Variants in NEMP2 observed in about 807,000 individuals in gnomAD.
NEMP2 encodes the protein UPF0571 transmembrane protein.
NEMP2 carries 53 observed loss-of-function variants against 54.2 expected under a neutral mutation model. That is an observed-to-expected ratio of 0.98 (90% CI 0.78 to 1.23). NEMP2 has a LOEUF of 1.23. Among genes scored for constraint, NEMP2 ranks in the 50% most tolerant of loss-of-function variants. The probability of loss-of-function intolerance (pLI) is 0.00; values close to 1 mark genes in which losing one functional copy is unlikely to be tolerated. For synonymous variants in NEMP2, 197 were observed against 190.3 expected, an observed-to-expected ratio of 1.04 and a Z score of -0.29; for missense variants, 455 against 511.3, an observed-to-expected ratio of 0.89 and a Z score of 1.06.
the NEMP2 span, among the ~76,000 whole-genome samples, chr2:190,584,649 G>C: frequency 6.6e-6 from 1 of 152,066 alleles, no homozygotes. The surrounding 1 kb of genome is among the most constrained non-coding windows in gnomAD (Gnocchi z 4.2). Flanking sequence ...CAGGCAGGAG[G>C]ATTACTTGAG....
the NEMP2 span, among the ~76,000 whole-genome samples, chr2:190,434,940 A>G: frequency 6.6e-6 from 1 of 152,160 alleles, no homozygotes; most frequent in Non-Finnish European, 1.5e-5. The surrounding 1 kb of genome is among the most constrained non-coding windows in gnomAD (Gnocchi z 4.3). Context: ...CAGAGGTATT[A>G]GATTTGCATA....
rs1287191792 is a variant in NEMP2 at position 190,506,687 on chromosome 2, A to G, written c.*2502T>C. 6.6e-6 allele frequency: 1 copy of G among 152,236 alleles called. No individual in the cohort carries two copies. The highest frequency in any genetic ancestry group is 1.5e-5 in the Non-Finnish European group (1 of 68,038). 9.4% of individuals were successfully genotyped at this position (152,236 alleles called of 1,614,324 possible). On this transcript the variant is annotated 3_prime_UTR_variant, in exon 9 of 9. Transcript: ENST00000409150. This position sits in a 1 kb window ranked among gnomAD's most constrained non-coding sequence, Gnocchi z 6.3. ...AAATGTGTTTTAAAACCTTTTAAAA[A>G]TAACACTTGAATGATACGATTGTTT...
chr2:190,451,034 G>GT, the NEMP2 span, among the ~76,000 whole-genome samples: 1 of 152,208 alleles, frequency 6.6e-6, no homozygotes, highest in Non-Finnish European at 1.5e-5. This position sits in a 1 kb window ranked among gnomAD's most constrained non-coding sequence, Gnocchi z 5.0. Context: ...AAGAGAGCAA[G>GT]TTGGTCTAGG....
At chr2:190,445,086 G>C in the NEMP2 span, among the ~76,000 whole-genome samples, 2 of 152,120 alleles carry the variant, frequency 1.3e-5, no homozygotes, top group Non-Finnish European at 2.9e-5. Context: ...AACTGGCCTG[G>C]CTTCCATCCT....
the NEMP2 span, among the ~76,000 whole-genome samples, chr2:190,439,335 T>G: frequency 2.0e-5 from 3 of 152,108 alleles, no homozygotes. The surrounding 1 kb of genome is among the most constrained non-coding windows in gnomAD (Gnocchi z 5.8). Flanking sequence ...GAGTATGTGT[T>G]TAGGTTCTAT....
chr2:190,599,635 C>T, the NEMP2 span, among the ~76,000 whole-genome samples: 1 of 151,794 alleles, frequency 6.6e-6, no homozygotes, highest in Non-Finnish European at 1.5e-5. Flanking sequence ...GTGCTGTGCC[C>T]CTAGTCAGGA....
At chr2:190,481,218 G>A in the NEMP2 span, among the ~76,000 whole-genome samples, 1 of 152,166 alleles carries the variant, frequency 6.6e-6, no homozygotes, top group African/African-American at 2.4e-5. Flanking sequence ...TATGCCAAAG[G>A]CATAATGCCA....
At chr2:190,595,767 G>T in the NEMP2 span, among the ~76,000 whole-genome samples, 3 of 152,198 alleles carry the variant, frequency 2.0e-5, no homozygotes, top group African/African-American at 7.2e-5. This position sits in a 1 kb window ranked among gnomAD's most constrained non-coding sequence, Gnocchi z 4.0. Flanking sequence ...TGGAGAGGAT[G>T]TGGAGAAATA....
intron 5 of NEMP2, among the ~76,000 whole-genome samples, chr2:190,516,653 T>A (rs1158140985): frequency 6.6e-6 from 1 of 152,220 alleles, no homozygotes; most frequent in African/African-American, 2.4e-5. Context: ...CTAGCTTGCA[T>A]GTACACTGAA....
the NEMP2 span, among the ~76,000 whole-genome samples, chr2:190,470,241 T>G: frequency 6.6e-6 from 1 of 152,228 alleles, no homozygotes; most frequent in Non-Finnish European, 1.5e-5. Flanking sequence ...AAAAAAAGAT[T>G]GTTGTCATAA....
the NEMP2 span, among the ~76,000 whole-genome samples, chr2:190,448,203 T>G: frequency 6.6e-6 from 1 of 152,340 alleles, no homozygotes; most frequent in Admixed American, 6.5e-5. Flanking sequence ...AGATGGTTCC[T>G]GCAAATTCCA....
the NEMP2 span, among the ~76,000 whole-genome samples, chr2:190,573,448 T>G: frequency 2.0e-5 from 3 of 152,172 alleles, no homozygotes; most frequent in African/African-American, 7.2e-5. Flanking sequence ...TGTGTGTAAT[T>G]TGCTACTCTT....
At chr2:190,503,378 A>C (rs944761770), downstream of NEMP2, among the ~76,000 whole-genome samples, 1 of 152,194 alleles carries the variant, frequency 6.6e-6, no homozygotes, top group Non-Finnish European at 1.5e-5. The surrounding 1 kb of genome is among the most constrained non-coding windows in gnomAD (Gnocchi z 6.3). Context: ...ACCATAAGCC[A>C]TATGTGGCTA....
intron 7 of NEMP2, among the ~76,000 whole-genome samples, chr2:190,511,245 C>T (rs1690353971): frequency 6.6e-6 from 1 of 152,100 alleles, no homozygotes; most frequent in Non-Finnish European, 1.5e-5. Flanking sequence ...TGCAGACCCT[C>T]TAGAACACTG....
In NEMP2 at chr2:190,529,345, G is replaced by A. The variant is rs1469855523; in HGVS notation, c.98-3967C>T. 6.6e-6 allele frequency among the ~76,000 whole-genome samples: 1 copy of A among 151,896 alleles called. No homozygotes were observed. Among genetic ancestry groups the A allele is most frequent in the Non-Finnish European group, 1.5e-5 (1 of 67,992 alleles). On this transcript the variant is annotated intron_variant, in intron 1 of 8. Transcript: ENST00000409150. This position sits in a 1 kb window ranked among gnomAD's most constrained non-coding sequence, Gnocchi z 4.7. ...CCTCCACCTTCCCTCCCAGCCCACT[G>A]CTCCAGCCACAGCTGGCCTTCCTGT...
chr2:190,643,025 T>TTTG, the NEMP2 span, among the ~76,000 whole-genome samples: 3 of 140,190 alleles, frequency 2.1e-5, no homozygotes, highest in East Asian at 6.1e-4. Flanking sequence ...TGGTTAAGGT[T>TTTG]TTTTTTTTTT....
chr2:190,590,962 C>G, the NEMP2 span, among the ~76,000 whole-genome samples: 1 of 152,158 alleles, frequency 6.6e-6, no homozygotes, highest in Non-Finnish European at 1.5e-5. The surrounding 1 kb of genome is among the most constrained non-coding windows in gnomAD (Gnocchi z 5.1). Flanking sequence ...ACATGTACAG[C>G]ACACAGCTGT....
chr2:190,637,705 A>G, the NEMP2 span, among the ~76,000 whole-genome samples: 1 of 152,100 alleles, frequency 6.6e-6, no homozygotes, highest in African/African-American at 2.4e-5. This position sits in a 1 kb window ranked among gnomAD's most constrained non-coding sequence, Gnocchi z 4.5. Flanking sequence ...GCCCTACCCA[A>G]ACCAGAACCA....
chr2:190,434,962 G>A, the NEMP2 span, among the ~76,000 whole-genome samples: 1 of 152,176 alleles, frequency 6.6e-6, no homozygotes, highest in African/African-American at 2.4e-5. The surrounding 1 kb of genome is among the most constrained non-coding windows in gnomAD (Gnocchi z 4.3). Flanking sequence ...GAGCATGAAC[G>A]CTATTGTGAA....
Sources: allele counts gnomAD v4.1 joint callset (sites outside exome capture counted in the v4.1 genomes callset), GRCh38; gene constraint gnomAD v4.1.1; non-coding constraint Gnocchi (gnomAD v3.1); transcripts MANE v1.5; gene names NCBI Gene and HGNC (gene_info 2026-07-23, HGNC 2026-07-21).